The following ACTR2 variants were observed in gnomAD, a reference collection of about 807,000 sequenced individuals.
ACTR2 encodes the protein actin related protein 2.
Under a neutral mutation model 50.2 loss-of-function variants are expected in ACTR2, and 5 were observed. The observed-to-expected ratio is 0.10, with a 90% CI of 0.05 to 0.21. The LOEUF (loss-of-function observed/expected upper bound fraction) is 0.21. Ranked by LOEUF, ACTR2 falls within the 10% of genes least tolerant of loss-of-function variation. The pLI, the probability that ACTR2 is intolerant of heterozygous loss-of-function variation, is 1.00. For synonymous variants in ACTR2, 140 were observed against 162.9 expected (o/e 0.86, Z 1.07); for missense variants, 180 against 480.6 (o/e 0.37, Z 5.85).
chr2:65,268,499 C>T (rs1167749134), intron 8 of ACTR2, 65 bp from the exon 9 acceptor site: 1 of 1,445,918 alleles, frequency 6.9e-7, no homozygotes, highest in African/African-American at 1.4e-5. Flanking sequence ...TTTAAAAAGC[C>T]ATTTTCATAA....
At chr2:65,243,025 AC>A (rs1397329665) in intron 2 of ACTR2, among the ~76,000 whole-genome samples, 4 of 152,174 alleles carry the variant, frequency 2.6e-5, no homozygotes, top group Non-Finnish European at 5.9e-5. Context: ...TTGTGCCTGT[AC>A]TCCCAGCACT....
In ACTR2 at chr2:65,268,762, G is replaced by A. The variant is rs368001778; in HGVS notation, c.*28G>A. The A allele has an allele frequency of 5.3e-5, 84 of 1,596,506 alleles. No individual in the cohort carries two copies. Among genetic ancestry groups the A allele is most frequent in the Non-Finnish European group, 6.8e-5 (80 of 1,171,646 alleles). ...TCCAAAGCTTGTTCCCGTCATACCC[G>A]TAATGCTTTCTTTTTTCCTTTATTG... On this transcript the variant is annotated 3_prime_UTR_variant, in exon 9 of 9. Coordinates refer to ENST00000260641, the MANE Select transcript of ACTR2 (RefSeq NM_005722.4).
At chr2:65,265,016 A>G in intron 7 of ACTR2, 27 bp from the exon 8 acceptor site, 1 of 1,613,270 alleles carries the variant, frequency 6.2e-7, no homozygotes, top group South Asian at 1.1e-5. Flanking sequence ...CTAAAACTCC[A>G]AATGAATAAC....
chr2:65,234,722 C>T (rs1032254622), intron 1 of ACTR2, among the ~76,000 whole-genome samples: 1 of 152,324 alleles, frequency 6.6e-6, no homozygotes, highest in Middle Eastern at 3.4e-3. Flanking sequence ...TCCCAGGCTC[C>T]TCCTGCCACC....
intron 2 of ACTR2, among the ~76,000 whole-genome samples, chr2:65,245,001 TAGTA>T (rs1200901078): frequency 1.1e-4 from 16 of 151,814 alleles, no homozygotes; most frequent in African/African-American, 3.1e-4. Context: ...AGTAATAAGT[TAGTA>T]AGTTATGGTA....
intron 5 of ACTR2, 151 bp downstream of exon 5, chr2:65,254,015 T>C: frequency 1.6e-6 from 1 of 643,982 alleles, no homozygotes; most frequent in South Asian, 2.3e-5. Flanking sequence ...AAAATTCATA[T>C]AAGATTTATA....
intron 2 of ACTR2, among the ~76,000 whole-genome samples, chr2:65,241,372 A>G (rs1671837984): frequency 6.6e-6 from 1 of 152,196 alleles, no homozygotes. Flanking sequence ...ACAAATAACT[A>G]CACATCTCTT....
rs1024420884 is a variant in ACTR2, at chr2:65,269,501, T to G, written c.*767T>G. ...TCCATTACTATGTGGCTTAGGGATT[T>G]ATTTGTTTTTTAAAATCAACCATGT... is the stretch of plus-strand genomic sequence containing the variant. On this transcript the variant is annotated 3_prime_UTR_variant, in exon 9 of 9. Coordinates refer to ENST00000260641, the MANE Select transcript of ACTR2 (RefSeq NM_005722.4). 1.4e-4 allele frequency: 21 copies of G among 152,200 alleles called. No homozygotes were observed. The highest frequency in any genetic ancestry group is 5.1e-4 in the African/African-American group (21 of 41,448). The allele number at this position is 152,200 out of a possible 1,614,324, so 9.4% of individuals were successfully genotyped here.
intron 1 of ACTR2, among the ~76,000 whole-genome samples, chr2:65,229,711 G>GC (rs1553405842): frequency 7.5e-6 from 1 of 132,792 alleles, no homozygotes; most frequent in Non-Finnish European, 1.5e-5. Context: ...AGCCGAGATC[G>GC]CACCACTCCA....
At position 65,269,001 on chromosome 2, in the gene ACTR2, A is replaced by G. The variant is rs1228777830; in HGVS notation, c.*267A>G. ...TTGTTTCTTCTAAGTAGGCATTTAG[A>G]TCATTCCTATAGGCTTCCTATTTTC... On this transcript the variant is annotated 3_prime_UTR_variant, in exon 9 of 9. Transcript: ENST00000260641. 5 of 372,698 alleles carry G rather than the reference A, an allele frequency of 1.3e-5. No individual in the cohort carries two copies. The East Asian group carries it at 2.6e-4, about 20-fold the overall frequency. The allele number at this position is 372,698 out of a possible 1,614,324, so 23.1% of individuals were successfully genotyped here.
intron 1 of ACTR2, chr2:65,228,197 C>G: frequency 2.5e-6 from 1 of 404,390 alleles, no homozygotes; most frequent in Non-Finnish European, 4.3e-6. Context: ...GCGGGCGAGA[C>G]CGGCACTGGA....
Position 65,268,915 on chromosome 2 carries a change from C to G in ACTR2, c.*181C>G. The G allele has an allele frequency of 1.7e-6, 1 of 605,596 alleles. No homozygotes were observed. Among genetic ancestry groups the G allele is most frequent in the Non-Finnish European group, 2.9e-6 (1 of 349,150 alleles). 37.5% of individuals were successfully genotyped at this position (605,596 alleles called of 1,614,324 possible). Reference sequence around the variant, plus strand: ...TAAATTTTTGTTAATGTGGGTAAATCTGAGTTTAATTCAACTGCTTCCCTA... The same window carrying G: ...TAAATTTTTGTTAATGTGGGTAAATGTGAGTTTAATTCAACTGCTTCCCTA... On this transcript the variant is annotated 3_prime_UTR_variant, in exon 9 of 9. Transcript: ENST00000260641.
In ACTR2 at chr2:65,227,899, C is replaced by A; in HGVS notation, c.-11C>A. 1 of 1,518,348 alleles carries A rather than the reference C, an allele frequency of 6.6e-7. No individual in the cohort carries two copies. The highest frequency in any genetic ancestry group is 2.8e-5 in the East Asian group (1 of 35,472). The allele number at this position is 1,518,348 out of a possible 1,614,324, so 94.1% of individuals were successfully genotyped here. A position where few individuals can be genotyped will look rare whatever the true frequency, so the allele number is the denominator to read the frequency against. ...GTTGTGCGGCTGCAGCGGCTCTTCC[C>A]TGGGCGGACGATGGACAGCCAGGGC... On this transcript the variant is annotated 5_prime_UTR_variant, in exon 1 of 9. It adds an upstream start codon to the 5' untranslated region. Transcript: ENST00000260641.
At position 65,268,752 on chromosome 2, in the gene ACTR2, C is replaced by T. The variant is rs2104028852; in HGVS notation, c.*18C>T. 3.1e-6 allele frequency: 5 copies of T among 1,608,318 alleles called. No homozygotes were observed. The highest frequency in any genetic ancestry group is 1.3e-5 in the African/African-American group (1 of 74,692). The stretch of plus-strand genomic sequence containing the variant: ...TTCGATAAACTCCAAAGCTTGTTCC[C>T]GTCATACCCGTAATGCTTTCTTTTT... On this transcript the variant is annotated 3_prime_UTR_variant, in exon 9 of 9. Coordinates refer to ENST00000260641, the MANE Select transcript of ACTR2 (RefSeq NM_005722.4).
chr2:65,265,019 T>G, intron 7 of ACTR2, 24 bp from the exon 8 acceptor site: 1 of 1,613,526 alleles, frequency 6.2e-7, no homozygotes, highest in Non-Finnish European at 8.5e-7. Flanking sequence ...AAACTCCAAA[T>G]GAATAACCAT....
chr2:65,251,130 CT>C, intron 4 of ACTR2, 31 bp downstream of exon 4: 2 of 1,456,762 alleles, frequency 1.4e-6, no homozygotes, highest in Non-Finnish European at 1.9e-6. Flanking sequence ...AGAAAAAACA[CT>C]TCATCAAACA....
At position 65,253,712 on chromosome 2, in the gene ACTR2, C is replaced by G; in HGVS notation, c.449-16C>G. The G allele has an allele frequency of 6.2e-7, 1 of 1,606,716 alleles. No homozygotes were observed. On this transcript the variant is annotated splice_polypyrimidine_tract_variant and intron_variant, in intron 4 of 8. Coordinates refer to ENST00000260641, the MANE Select transcript of ACTR2 (RefSeq NM_005722.4). Reference sequence around the variant, plus strand: ...TGATTTGACTTTTTATTTAAATCCCCCTGGCTTTTATGCAGGTTTATTGAC... The same window carrying G: ...TGATTTGACTTTTTATTTAAATCCCGCTGGCTTTTATGCAGGTTTATTGAC...
intron 3 of ACTR2, 111 bp downstream of exon 3, chr2:65,246,850 C>T (rs2103997495): frequency 1.3e-6 from 1 of 794,900 alleles, no homozygotes; most frequent in Admixed American, 3.0e-5. Flanking sequence ...TGTTTTCCTT[C>T]AGATCTTATT....
chr2:65,267,862 C>CTTATTTTT, intron 8 of ACTR2, among the ~76,000 whole-genome samples: 1 of 47,386 alleles, frequency 2.1e-5, no homozygotes, highest in Non-Finnish European at 3.8e-5. Flanking sequence ...TGCAAGTCCT[C>CTTATTTTT]TTTTTTTTTT....
Sources: gnomAD v4.1 joint callset for allele counts (sites outside exome capture counted in the v4.1 genomes callset) on GRCh38, gnomAD v4.1.1 for gene constraint, MANE v1.5 for transcripts, NCBI Gene and HGNC (gene_info 2026-07-23, HGNC 2026-07-21) for gene names.